The following CEP55 variants were observed in gnomAD, a reference collection of about 807,000 sequenced individuals.
CEP55 encodes the protein centrosomal protein of 55 kDa.
Under a neutral mutation model 63.2 loss-of-function variants are expected in CEP55, and 57 were observed. That is an observed-to-expected ratio of 0.90 (90% CI 0.73 to 1.13). The LOEUF is 1.13. CEP55 is among the 50% of genes most tolerant of loss of function. The pLI is 0.00. For missense variants in CEP55, 456 were observed against 518.9 expected, an observed-to-expected ratio of 0.88 and a Z score of 1.18; for synonymous variants, 178 against 191.6, an observed-to-expected ratio of 0.93 and a Z score of 0.59.
chr10:93,528,014 G>A lies in CEP55; in HGVS notation c.1256G>A (p.Arg419Lys), dbSNP rs751413806. The A allele has an allele frequency of 1.5e-5, 24 of 1,613,910 alleles. No individual in the cohort carries two copies. Among genetic ancestry groups the A allele is most frequent in the Non-Finnish European group, 1.9e-5 (22 of 1,180,008 alleles). Residue 419 changes from arginine (R) to lysine (K), a missense_variant, in exon 9 of 9, where the codon AGA (arginine) becomes AAA (lysine). Transcript: ENST00000371485. ...LVTFQGETEN[R>K]EKVAASPKSP... ...ACTTTCCAAGGAGAGACTGAAAACA[G>A]AGAAAAAGTTGCCGCCTCACCAAAA...
intron 8 of CEP55, among the ~76,000 whole-genome samples, chr10:93,526,906 G>A (rs1426298250): frequency 1.3e-5 from 2 of 152,092 alleles, no homozygotes; most frequent in Non-Finnish European, 2.9e-5. Flanking sequence ...ACACAGGAAG[G>A]GGGACATCAC....
intron 2 of CEP55, among the ~76,000 whole-genome samples, chr10:93,501,932 AT>A (rs1330431919): frequency 6.6e-6 from 1 of 152,154 alleles, no homozygotes; most frequent in Non-Finnish European, 1.5e-5. Context: ...AGCACTGGAT[AT>A]TTTGTTCCTT....
At chr10:93,519,638 C>T (rs1052279696) in intron 7 of CEP55, 44 bp from the exon 8 acceptor site, 28 of 1,598,104 alleles carry the variant, frequency 1.8e-5, no homozygotes, top group Non-Finnish European at 2.2e-5. Flanking sequence ...GAGAACTAGA[C>T]AGTCTGTATC....
intron 8 of CEP55, 178 bp downstream of exon 8, chr10:93,519,985 A>G (rs367989715): frequency 4.5e-6 from 3 of 661,088 alleles, no homozygotes; most frequent in African/African-American, 3.6e-5. Context: ...AGGACATGAA[A>G]GAGGGACATG....
chr10:93,503,311 T>C lies in CEP55; in HGVS notation c.382T>C (p.Leu128=). 6.2e-7 allele frequency: 1 copy of C among 1,614,186 alleles called. No individual in the cohort carries two copies. The highest frequency in any genetic ancestry group is 8.5e-7 in the Non-Finnish European group (1 of 1,180,026). Residue 128 remains leucine (L), a synonymous_variant, in exon 3 of 9, where the codon TTG becomes CTG. Transcript: ENST00000371485. ...AGCCTTATCTGAAGAGAAAGACGTA[T>C]TGAAACAACAGTTGTCTGCTGCAAC... ...LKALSEEKDV[L]KQQLSAATSR...
intron 4 of CEP55, among the ~76,000 whole-genome samples, chr10:93,511,823 C>T (rs1407211755): frequency 2.6e-5 from 4 of 151,298 alleles, no homozygotes; most frequent in African/African-American, 7.3e-5. Flanking sequence ...AGGCTGGTCT[C>T]GAACTCCTGA....
chr10:93,509,572 G>A (rs1201342238), intron 4 of CEP55, among the ~76,000 whole-genome samples: 2 of 151,944 alleles, frequency 1.3e-5, no homozygotes, highest in Non-Finnish European at 2.9e-5. Flanking sequence ...TGCAACCTCC[G>A]TCTCCTGGTT....
At chr10:93,527,857 G>A in intron 8 of CEP55, 93 bp from the exon 9 acceptor site, 1 of 1,061,590 alleles carries the variant, frequency 9.4e-7, no homozygotes, top group South Asian at 1.6e-5. Flanking sequence ...CTCTGGCCTG[G>A]GTGACAGAGT....
chr10:93,498,278 G>C (rs916300427), intron 1 of CEP55, among the ~76,000 whole-genome samples: 5 of 152,306 alleles, frequency 3.3e-5, no homozygotes, highest in Admixed American at 3.3e-4. Context: ...CACTGCCAGA[G>C]TTTCTGTGCA....
At chr10:93,525,266 A>C (rs2057909719) in intron 8 of CEP55, among the ~76,000 whole-genome samples, 1 of 152,204 alleles carries the variant, frequency 6.6e-6, no homozygotes, top group Non-Finnish European at 1.5e-5. Flanking sequence ...ATCAATGTGC[A>C]AAAATCACAA....
intron 8 of CEP55, among the ~76,000 whole-genome samples, chr10:93,524,386 C>A (rs892909126): frequency 2.0e-5 from 3 of 151,922 alleles, no homozygotes; most frequent in African/African-American, 7.3e-5. Context: ...AAGACTAAAC[C>A]AGGAAGAAGT....
At chr10:93,523,456 A>G (rs1485828678) in intron 8 of CEP55, among the ~76,000 whole-genome samples, 2 of 152,194 alleles carry the variant, frequency 1.3e-5, no homozygotes, top group Non-Finnish European at 2.9e-5. Flanking sequence ...TTAGAGACCT[A>G]AAAAGAGACT....
chr10:93,497,010 A>T (rs946162006), intron 1 of CEP55, 87 bp downstream of exon 1: 1 of 152,258 alleles, frequency 6.6e-6, no homozygotes, highest in Non-Finnish European at 1.5e-5. Context: ...TCCGATTGGC[A>T]GGCACTTTCG....
At chr10:93,501,721 G>A (rs1305732943) in intron 2 of CEP55, among the ~76,000 whole-genome samples, 1 of 152,024 alleles carries the variant, frequency 6.6e-6, no homozygotes, top group Non-Finnish European at 1.5e-5. Flanking sequence ...TATACCATTT[G>A]ATTTATTTAA....
At chr10:93,513,527 C>T (rs547418732) in intron 4 of CEP55, among the ~76,000 whole-genome samples, 1 of 152,318 alleles carries the variant, frequency 6.6e-6, no homozygotes, top group African/African-American at 2.4e-5. Flanking sequence ...CATTGTGGAA[C>T]TAGAGGTCTG....
chr10:93,527,037 C>G (rs1481738797), intron 8 of CEP55, among the ~76,000 whole-genome samples: 4 of 151,498 alleles, frequency 2.6e-5, no homozygotes, highest in African/African-American at 9.7e-5. Flanking sequence ...ACATATGTAA[C>G]AAACCTGCAC....
intron 5 of CEP55, 129 bp from the exon 6 acceptor site, chr10:93,516,806 C>T: frequency 1.6e-6 from 1 of 637,088 alleles, no homozygotes; most frequent in Non-Finnish European, 2.6e-6. Flanking sequence ...AACCATAGTC[C>T]CTATCTCTTG....
At chr10:93,519,006 C>T in intron 7 of CEP55, 58 bp downstream of exon 7, 1 of 1,342,030 alleles carries the variant, frequency 7.5e-7, no homozygotes, top group Non-Finnish European at 1.1e-6. Flanking sequence ...GCAGTTTTTC[C>T]TCATGTTTAT....
chr10:93,522,734 A>T (rs1017846734), intron 8 of CEP55, among the ~76,000 whole-genome samples: 1 of 152,238 alleles, frequency 6.6e-6, no homozygotes, highest in Non-Finnish European at 1.5e-5. Flanking sequence ...CTAACAGCTG[A>T]TCTCTCAGCA....
Sources: gnomAD v4.1 joint callset for allele counts (sites outside exome capture counted in the v4.1 genomes callset) on GRCh38, gnomAD v4.1.1 for gene constraint, MANE v1.5 for transcripts, NCBI Gene and HGNC (gene_info 2026-07-23, HGNC 2026-07-21) for gene names.